Variants in CA12 observed in about 807,000 individuals in gnomAD.
CA12 encodes carbonate dehydratase XII.
A neutral mutation model predicts 46.8 loss-of-function variants in CA12; 36 were observed. The ratio of observed to expected loss-of-function variants is 0.77; its 90% CI spans 0.59 to 1.02. The LOEUF is 1.02. Ranked by LOEUF, CA12 falls within the 50% of genes least tolerant of loss-of-function variation. CA12 has a pLI of 0.00. For synonymous variants in CA12, 202 were observed against 187.0 expected, an observed-to-expected ratio of 1.08 and a Z score of -0.65; for missense variants, 436 against 451.4, an observed-to-expected ratio of 0.97 and a Z score of 0.31.
At chr15:63,347,635 T>C (rs2039168044) in intron 2 of CA12, among the ~76,000 whole-genome samples, 1 of 152,234 alleles carries the variant, frequency 6.6e-6, no homozygotes, top group South Asian at 2.1e-4. Context: ...TATGTGCAGA[T>C]GAACTTTCCT....
In CA12 at chr15:63,370,454, A is replaced by G. The variant is rs938356649; in HGVS notation, c.106+5204T>C. On this transcript the variant is annotated intron_variant, in intron 2 of 10. Transcript: ENST00000178638. ...CAAAGCCCTGTCTCAAAAAAAAAAA[A>G]AAAAGAAAAAAAGAAAAGATAGGAA... Among the ~76,000 whole-genome samples, 745 of 150,092 alleles carry G rather than the reference A, an allele frequency of 5.0e-3. 8 individuals are homozygous for G. The highest frequency in any genetic ancestry group is 0.017 in the African/African-American group (710 of 40,784).
chr15:63,352,464 A>G (rs1289793480), intron 2 of CA12, among the ~76,000 whole-genome samples: 1 of 152,228 alleles, frequency 6.6e-6, no homozygotes, highest in East Asian at 1.9e-4. Flanking sequence ...CACTGATGAA[A>G]GGTAGCCATG....
intron 2 of CA12, 33 bp downstream of exon 2, chr15:63,375,625 T>G (rs770656084): frequency 7.2e-7 from 1 of 1,396,060 alleles, no homozygotes; most frequent in Non-Finnish European, 1.0e-6. Flanking sequence ...CTATTTTCTT[T>G]TCAACAAAAA....
At chr15:63,352,266 A>G (rs1185472709) in intron 2 of CA12, among the ~76,000 whole-genome samples, 1 of 152,244 alleles carries the variant, frequency 6.6e-6, no homozygotes, top group Admixed American at 6.5e-5. Context: ...CATGTTGGCC[A>G]GGCTGGTCTC....
chr15:63,380,239 T>C (rs527834668), intron 1 of CA12, among the ~76,000 whole-genome samples: 9 of 151,244 alleles, frequency 6.0e-5, no homozygotes, highest in Admixed American at 2.6e-4. Context: ...ACTTGGAGAA[T>C]TGGGAGAGGA....
In CA12 at chr15:63,341,546, C is replaced by T. The variant is rs1291221594; in HGVS notation, c.525+456G>A. Among the ~76,000 whole-genome samples, 2 of 152,160 alleles carry T rather than the reference C, an allele frequency of 1.3e-5. No homozygotes were observed. Among genetic ancestry groups the T allele is most frequent in the African/African-American group, 4.8e-5 (2 of 41,436 alleles). On this transcript the variant is annotated intron_variant, in intron 5 of 10. Transcript: ENST00000178638. The surrounding 1 kb of genome is among the most constrained non-coding windows in gnomAD (Gnocchi z 5.2). ...CCATCTCCCTCCCTGGTCCATGGTC[C>T]GTGGAAAAATTGTCTTCTATGAAAC...
intron 2 of CA12, among the ~76,000 whole-genome samples, chr15:63,364,736 G>T (rs1038909246): frequency 2.0e-5 from 3 of 152,196 alleles, no homozygotes; most frequent in African/African-American, 7.2e-5. Context: ...ACTGTGCATG[G>T]CCTGTCCTCT....
rs2038796473 is a variant in CA12, at chr15:63,321,947, A to G, written c.*4338T>C. ...CCTGTCTCCCTCCCTGGCTTCACCC[A>G]CAAGGCTTTCTTCTCGGGCTGATTT... On this transcript the variant is annotated 3_prime_UTR_variant, in exon 11 of 11. Coordinates refer to ENST00000178638, the MANE Select transcript of CA12 (RefSeq NM_001218.5). This position sits in a 1 kb window ranked among gnomAD's most constrained non-coding sequence, Gnocchi z 4.5. 6.6e-6 allele frequency: 1 copy of G among 152,290 alleles called. No homozygotes were observed. 9.4% of individuals were successfully genotyped at this position (152,290 alleles called of 1,614,324 possible).
At chr15:63,376,979 A>G (rs2039586010) in intron 1 of CA12, among the ~76,000 whole-genome samples, 1 of 152,150 alleles carries the variant, frequency 6.6e-6, no homozygotes, top group Non-Finnish European at 1.5e-5. Flanking sequence ...TGCTACCCAC[A>G]TCTGAGTTAG....
At chr15:63,360,750 C>T (rs2039351753) in intron 2 of CA12, among the ~76,000 whole-genome samples, 1 of 152,240 alleles carries the variant, frequency 6.6e-6, no homozygotes, top group South Asian at 2.1e-4. Flanking sequence ...GACAGACGCA[C>T]ATGCCCCCGA....
At chr15:63,338,992 C>T (rs181611828) in intron 7 of CA12, 47 bp from the exon 8 acceptor site, 33 of 1,612,046 alleles carry the variant, frequency 2.0e-5, no homozygotes, top group Admixed American at 1.2e-4. Context: ...GACCTCCTCA[C>T]CTGATCCCCT....
intron 1 of CA12, among the ~76,000 whole-genome samples, chr15:63,376,604 C>CTTTCTTTCTT (rs1325632435): frequency 0.031 from 401 of 13,040 alleles, 2 homozygotes; most frequent in Middle Eastern, 0.1. Flanking sequence ...CTTTCTTTCT[C>CTTTCTTTCTT]TCTCTCTCGC....
rs2039079945 is a variant in CA12, at chr15:63,341,529, C to G, written c.525+473G>C. 1.3e-5 allele frequency among the ~76,000 whole-genome samples: 2 copies of G among 152,226 alleles called. No individual in the cohort carries two copies. Among genetic ancestry groups the G allele is most frequent in the South Asian group, 2.1e-4 (1 of 4,828 alleles). ...ACAGTTTCATCCCAAAACCATCTCC[C>G]TCCCTGGTCCATGGTCCGTGGAAAA... On this transcript the variant is annotated intron_variant, in intron 5 of 10. Transcript: ENST00000178638. The surrounding 1 kb of genome is among the most constrained non-coding windows in gnomAD (Gnocchi z 5.2).
chr15:63,334,422 ATT>A (rs879745620), intron 8 of CA12, among the ~76,000 whole-genome samples: 2 of 140,604 alleles, frequency 1.4e-5, no homozygotes, highest in Non-Finnish European at 3.1e-5. Context: ...TGCCTGGCTG[ATT>A]TTTTTTTTTT....
At position 63,345,844 on chromosome 15, in the gene CA12, C is replaced by G. The variant is rs2039140387; in HGVS notation, c.287-225G>C. ...TTCCCCAAAGCAACTCCAGTGGCACCAGCACCTTCTTGGTTCACCTTGGAA... is the reference window on the plus strand; with the variant it reads ...TTCCCCAAAGCAACTCCAGTGGCACGAGCACCTTCTTGGTTCACCTTGGAA... On this transcript the variant is annotated intron_variant, in intron 3 of 10. Transcript: ENST00000178638. This position sits in a 1 kb window ranked among gnomAD's most constrained non-coding sequence, Gnocchi z 4.3. Among the ~76,000 whole-genome samples, 1 of 152,210 alleles carries G rather than the reference C, an allele frequency of 6.6e-6. No individual in the cohort carries two copies. Among genetic ancestry groups the G allele is most frequent in the Admixed American group, 6.5e-5 (1 of 15,276 alleles).
chr15:63,368,752 G>C (rs1277173583), intron 2 of CA12, among the ~76,000 whole-genome samples: 1 of 152,226 alleles, frequency 6.6e-6, no homozygotes, highest in Admixed American at 6.5e-5. Context: ...CCCACAGCTC[G>C]TCCTTCCTCC....
chr15:63,361,696 C>T (rs1161204506), intron 2 of CA12, among the ~76,000 whole-genome samples: 2 of 152,060 alleles, frequency 1.3e-5, no homozygotes, highest in African/African-American at 4.8e-5. Context: ...GGCTGCTCTC[C>T]CTGTCAGTCG....
At chr15:63,379,868 A>C (rs1595796622) in intron 1 of CA12, among the ~76,000 whole-genome samples, 1 of 152,342 alleles carries the variant, frequency 6.6e-6, no homozygotes, top group Non-Finnish European at 1.5e-5. Context: ...ACGGCAACTA[A>C]GAATTCCAAG....
Position 63,323,690 on chromosome 15 carries a change from A to G in CA12, c.*2595T>C, listed in dbSNP as rs945655028. On this transcript the variant is annotated 3_prime_UTR_variant, in exon 11 of 11. Transcript: ENST00000178638. This position sits in a 1 kb window ranked among gnomAD's most constrained non-coding sequence, Gnocchi z 5.1. Reference sequence around the variant, plus strand: ...GTGCTGCAGACACCAGTGCTTCTCCAGGGCTGGCCAGGACACCTTCAGAGA... The same window carrying G: ...GTGCTGCAGACACCAGTGCTTCTCCGGGGCTGGCCAGGACACCTTCAGAGA... 1.3e-5 allele frequency: 2 copies of G among 152,772 alleles called. No individual in the cohort carries two copies. The highest frequency in any genetic ancestry group is 6.5e-5 in the Admixed American group (1 of 15,282). 9.5% of individuals were successfully genotyped at this position (152,772 alleles called of 1,614,324 possible). A position where few individuals can be genotyped will look rare whatever the true frequency, so the allele number is the denominator to read the frequency against.
Sources: allele counts gnomAD v4.1 joint callset (sites outside exome capture counted in the v4.1 genomes callset), GRCh38; gene constraint gnomAD v4.1.1; non-coding constraint Gnocchi (gnomAD v3.1); transcripts MANE v1.5; gene names NCBI Gene and HGNC (gene_info 2026-07-23, HGNC 2026-07-21).